Variants in TMEM132C observed in about 807,000 individuals in gnomAD.
TMEM132C encodes protein phosphatase 1, regulatory subunit 152.
TMEM132C carries 29 observed loss-of-function variants against 61.4 expected under a neutral mutation model. The ratio of observed to expected loss-of-function variants is 0.47; its 90% CI spans 0.35 to 0.64. The LOEUF (loss-of-function observed/expected upper bound fraction) is 0.64. Ranked by LOEUF, TMEM132C falls within the 30% of genes least tolerant of loss-of-function variation. The pLI is 0.00. For synonymous variants in TMEM132C, 656 were observed against 633.1 expected, an observed-to-expected ratio of 1.04 and a Z score of -0.54; for missense variants, 1,408 against 1,476.9, an observed-to-expected ratio of 0.95 and a Z score of 0.76.
chr12:128,496,661 C>T (rs1401368190), intron 2 of TMEM132C, among the ~76,000 whole-genome samples: 1 of 152,160 alleles, frequency 6.6e-6, no homozygotes, highest in East Asian at 1.9e-4. Flanking sequence ...ACATAGTTCT[C>T]GTGCCATGGT....
chr12:128,358,328 T>C (rs879669438), intron 1 of TMEM132C, among the ~76,000 whole-genome samples: 11 of 152,314 alleles, frequency 7.2e-5, no homozygotes, highest in Admixed American at 7.2e-4. Context: ...CAAAAATTGG[T>C]AAGAACCCAC....
At chr12:128,435,681 T>C (rs986864297) in intron 2 of TMEM132C, among the ~76,000 whole-genome samples, 1 of 152,162 alleles carries the variant, frequency 6.6e-6, no homozygotes, top group African/African-American at 2.4e-5. Flanking sequence ...TCCATGCTCA[T>C]GGATAGGAAG....
intron 2 of TMEM132C, among the ~76,000 whole-genome samples, chr12:128,483,830 A>G (rs540943721): frequency 1.3e-5 from 2 of 152,344 alleles, no homozygotes; most frequent in Admixed American, 1.3e-4. Flanking sequence ...TACAAATTAT[A>G]TAAACAAAAT....
intron 3 of TMEM132C, among the ~76,000 whole-genome samples, chr12:128,614,934 C>T (rs1876750035): frequency 6.6e-6 from 1 of 152,164 alleles, no homozygotes; most frequent in Non-Finnish European, 1.5e-5. Flanking sequence ...CCACTGTCAC[C>T]CCTCGGCATG....
intron 2 of TMEM132C, among the ~76,000 whole-genome samples, chr12:128,446,208 A>G (rs916812818): frequency 6.6e-6 from 1 of 152,168 alleles, no homozygotes; most frequent in African/African-American, 2.4e-5. Flanking sequence ...ACAGCAGTCA[A>G]ACTCACAGGG....
At chr12:128,654,394 G>A (rs1337237358) in intron 4 of TMEM132C, among the ~76,000 whole-genome samples, 1 of 152,128 alleles carries the variant, frequency 6.6e-6, no homozygotes, top group Non-Finnish European at 1.5e-5. Flanking sequence ...AGGGAGCACG[G>A]CCCTGCTCAC....
rs541738919 is a variant in TMEM132C at position 128,506,466 on chromosome 12, C to T, written c.975-37491C>T. 2.0e-5 allele frequency among the ~76,000 whole-genome samples: 3 copies of T among 152,258 alleles called. No individual in the cohort carries two copies. The East Asian group carries it at 5.8e-4, about 29-fold the overall frequency. ...GACTGCACGGCTGCCTCAAGATCTT[C>T]CAGGTTTCCTCTTCTCCAAGACTTG... is the stretch of plus-strand genomic sequence containing the variant. On this transcript the variant is annotated intron_variant, in intron 2 of 8. Coordinates refer to ENST00000435159, the MANE Select transcript of TMEM132C (RefSeq NM_001136103.3).
rs758641133 is a variant in TMEM132C, at chr12:128,705,277, G to T, written c.2309G>T (p.Arg770Leu). Residue 770 changes from arginine (R) to leucine (L), a missense_variant, in exon 9 of 9, where the codon CGA becomes CTA. Physicochemically the swap from Arg to Leu is moderately radical, Grantham distance 102 (BLOSUM62 -2). Transcript: ENST00000435159. ...AEGEGQGPLI[R>L]VDMTIAEACQ... ...GGGGAAGGCCAGGGCCCACTGATCC[G>T]AGTGGACATGACGATCGCCGAGGCC... The T allele has an allele frequency of 9.7e-6, 15 of 1,551,616 alleles. No homozygotes were observed. The highest frequency in any genetic ancestry group is 1.3e-5 in the Non-Finnish European group (15 of 1,146,976).
intron 5 of TMEM132C, among the ~76,000 whole-genome samples, chr12:128,679,720 T>C (rs1954618862): frequency 6.6e-6 from 1 of 152,228 alleles, no homozygotes; most frequent in Admixed American, 6.5e-5. Context: ...GATACAGTCA[T>C]GAACCAACTG....
intron 1 of TMEM132C, among the ~76,000 whole-genome samples, chr12:128,329,891 C>G (rs1423507553): frequency 2.0e-5 from 3 of 152,156 alleles, no homozygotes; most frequent in African/African-American, 4.8e-5. Flanking sequence ...TCGATTTGTC[C>G]CGTTGAATGG....
intron 1 of TMEM132C, among the ~76,000 whole-genome samples, chr12:128,351,592 G>C (rs1347323603): frequency 6.6e-6 from 1 of 152,142 alleles, no homozygotes; most frequent in Non-Finnish European, 1.5e-5. Flanking sequence ...CTGGATCTGG[G>C]GAGGCCCTCA....
chr12:128,516,590 C>T (rs567947856), intron 2 of TMEM132C, among the ~76,000 whole-genome samples: 1 of 94,880 alleles, frequency 1.1e-5, no homozygotes, highest in Non-Finnish European at 2.4e-5. Context: ...CAAATTTTAC[C>T]TCCAAAGGAG....
At chr12:128,504,929 G>GA (rs1270170661) in intron 2 of TMEM132C, among the ~76,000 whole-genome samples, 19 of 130,398 alleles carry the variant, frequency 1.5e-4, no homozygotes, top group Admixed American at 1.4e-3. Context: ...TAGTATGATA[G>GA]AAAAAAAAGA....
At chr12:128,665,101 GCACA>G (rs967763165) in intron 4 of TMEM132C, among the ~76,000 whole-genome samples, 2 of 129,988 alleles carry the variant, frequency 1.5e-5, no homozygotes, top group South Asian at 2.6e-4. Flanking sequence ...ACATACACAG[GCACA>G]CACACAGGCA....
intron 1 of TMEM132C, among the ~76,000 whole-genome samples, chr12:128,379,185 C>A (rs1874322403): frequency 6.6e-6 from 1 of 152,148 alleles, no homozygotes; most frequent in Non-Finnish European, 1.5e-5. Flanking sequence ...ATGGACCATG[C>A]CATCAGATGG....
chr12:128,427,549 C>T lies in TMEM132C; in HGVS notation c.974+11929C>T, dbSNP rs113575917. 9.4e-3 allele frequency among the ~76,000 whole-genome samples: 1,423 copies of T among 152,018 alleles called. 12 individuals are homozygous for T. Among genetic ancestry groups the T allele is most frequent in the African/African-American group, 0.032 (1,343 of 41,484 alleles). The stretch of plus-strand genomic sequence containing the variant: ...GGCAGGCTGTGGGTCTCAGGCTCAG[C>T]CTAGGACACTTCCCCCAGGGCTGGA... On this transcript the variant is annotated intron_variant, in intron 2 of 8. Transcript: ENST00000435159.
chr12:128,507,935 C>T (rs146478589), intron 2 of TMEM132C, among the ~76,000 whole-genome samples: 37 of 152,226 alleles, frequency 2.4e-4, no homozygotes, highest in East Asian at 7.7e-4. Context: ...GAGCTCTAAC[C>T]GGTTTTTTCA....
Position 128,353,398 on chromosome 12 carries a change from G to A in TMEM132C, c.86-61334G>A, listed in dbSNP as rs147909717. ...CAGAGAACAGAGGTGCTAACGCTGC[G>A]ATCTGAGACCCCGGGAGTCTGCGAC... On this transcript the variant is annotated intron_variant, in intron 1 of 8. Coordinates refer to ENST00000435159, the MANE Select transcript of TMEM132C (RefSeq NM_001136103.3). Among the ~76,000 whole-genome samples, 14 of 152,236 alleles carry A rather than the reference G, an allele frequency of 9.2e-5. No individual in the cohort carries two copies. The East Asian group carries it at 1.9e-3, about 21-fold the overall frequency.
At chr12:128,376,716 G>A (rs1018047083) in intron 1 of TMEM132C, among the ~76,000 whole-genome samples, 8 of 152,332 alleles carry the variant, frequency 5.3e-5, no homozygotes, top group African/African-American at 1.7e-4. Flanking sequence ...TAAAGGGTAT[G>A]CATCTCACTT....
Sources: allele counts gnomAD v4.1 joint callset (sites outside exome capture counted in the v4.1 genomes callset), GRCh38; gene constraint gnomAD v4.1.1; transcripts MANE v1.5; gene names NCBI Gene and HGNC (gene_info 2026-07-23, HGNC 2026-07-21).